The following MYO5B variants were observed in gnomAD, a reference collection of about 807,000 sequenced individuals.
MYO5B encodes the protein unconventional myosin-Vb.
Under a neutral mutation model 229.3 loss-of-function variants are expected in MYO5B, and 143 were observed. The ratio of observed to expected loss-of-function variants is 0.62; its 90% CI spans 0.54 to 0.72. MYO5B has a LOEUF of 0.72. Among genes scored for constraint, MYO5B ranks in the 30% least tolerant of loss-of-function variants. MYO5B has a pLI of 0.00. For synonymous variants in MYO5B, 918 were observed against 885.2 expected (o/e 1.04, Z -0.66); for missense variants, 2,321 against 2,331.0 (o/e 1.00, Z 0.09).
At chr18:49,849,111 T>C (rs574793870) in intron 32 of MYO5B, among the ~76,000 whole-genome samples, 7 of 152,196 alleles carry the variant, frequency 4.6e-5, no homozygotes, top group South Asian at 4.2e-4. Context: ...GAGAACATTC[T>C]AGGTCTTTCT....
intron 39 of MYO5B, among the ~76,000 whole-genome samples, chr18:49,829,663 C>T (rs189454391): frequency 2.6e-5 from 4 of 152,294 alleles, no homozygotes; most frequent in Admixed American, 2.6e-4. Context: ...AAACTATATT[C>T]ATCCCTTATA....
intron 10 of MYO5B, chr18:49,971,029 C>G (rs1051700411): frequency 1.4e-4 from 21 of 152,292 alleles, no homozygotes; most frequent in African/African-American, 5.1e-4. Context: ...TATGGGTACT[C>G]AGGCATCCCC....
intron 4 of MYO5B, among the ~76,000 whole-genome samples, chr18:50,024,128 A>G (rs188482414): frequency 2.6e-5 from 4 of 152,356 alleles, no homozygotes; most frequent in African/African-American, 9.6e-5. Flanking sequence ...AATATGTGCA[A>G]TGACAAATGG....
At chr18:49,877,643 G>T in intron 25 of MYO5B, 120 bp downstream of exon 25, 1 of 1,360,256 alleles carries the variant, frequency 7.4e-7, no homozygotes. Context: ...TTGAGAATTA[G>T]CCCCTGGGCA....
At chr18:49,904,319 C>T (rs908003547) in intron 20 of MYO5B, among the ~76,000 whole-genome samples, 1 of 152,224 alleles carries the variant, frequency 6.6e-6, no homozygotes, top group African/African-American at 2.4e-5. Flanking sequence ...GACCTCTGCA[C>T]ACACCGGCTT....
At chr18:49,890,626 T>C (rs1004823441) in intron 22 of MYO5B, among the ~76,000 whole-genome samples, 1 of 152,184 alleles carries the variant, frequency 6.6e-6, no homozygotes, top group African/African-American at 2.4e-5. Flanking sequence ...AGAGGGATAT[T>C]AGTACTATAA....
intron 1 of MYO5B, among the ~76,000 whole-genome samples, chr18:50,115,535 CACACACAGAGAG>C (rs1414093884): frequency 1.5e-5 from 1 of 66,964 alleles, no homozygotes; most frequent in South Asian, 4.2e-4. Flanking sequence ...CACACACACA[CACACACAGAGAG>C]ACACACACAC....
intron 11 of MYO5B, 133 bp downstream of exon 11, chr18:49,962,816 C>G: frequency 1.2e-6 from 1 of 816,986 alleles, no homozygotes; most frequent in Non-Finnish European, 2.2e-6. Context: ...GCTGGAGGTA[C>G]CACCAGGAAA....
intron 4 of MYO5B, among the ~76,000 whole-genome samples, chr18:50,034,589 C>G (rs2144379873): frequency 6.6e-6 from 1 of 152,176 alleles, no homozygotes; most frequent in African/African-American, 2.4e-5. Context: ...ACTAAAAATA[C>G]AAATATTAGC....
chr18:49,873,130 T>C (rs2024475454), intron 26 of MYO5B, among the ~76,000 whole-genome samples: 1 of 152,234 alleles, frequency 6.6e-6, no homozygotes, highest in Non-Finnish European at 1.5e-5. Context: ...CTAGTGCTTG[T>C]CTATGGCAAT....
chr18:49,921,392 C>G (rs1368083875), intron 17 of MYO5B, among the ~76,000 whole-genome samples: 3 of 151,500 alleles, frequency 2.0e-5, no homozygotes, highest in African/African-American at 7.3e-5. Context: ...GAGAGGGAGA[C>G]AGATGACTGC....
chr18:49,908,296 C>T (rs567662495), intron 18 of MYO5B, among the ~76,000 whole-genome samples: 1 of 152,324 alleles, frequency 6.6e-6, no homozygotes, highest in South Asian at 2.1e-4. Flanking sequence ...GAACATCTCC[C>T]ACCCAGATCT....
At chr18:49,836,640 G>A (rs571468539) in intron 38 of MYO5B, 71 bp downstream of exon 38, 10 of 1,569,028 alleles carry the variant, frequency 6.4e-6, no homozygotes, top group South Asian at 5.6e-5. Flanking sequence ...AACCACCAAC[G>A]AGAACAGACT....
chr18:50,043,493 A>ATATATAAATATAAATATATTTATAAG (rs1365461821), intron 2 of MYO5B, among the ~76,000 whole-genome samples: 5 of 89,660 alleles, frequency 5.6e-5, no homozygotes, highest in East Asian at 3.2e-4. Context: ...ATATATTTTT[A>ATATATAAATATAAATATATTTATAAG]TATATAAATA....
intron 1 of MYO5B, among the ~76,000 whole-genome samples, chr18:50,177,692 A>G (rs780563166): frequency 6.6e-6 from 1 of 152,224 alleles, no homozygotes; most frequent in Non-Finnish European, 1.5e-5. Context: ...AAAGCCCCCA[A>G]ATGATGTGGG....
chr18:49,847,997 A>C (rs1485648285), intron 32 of MYO5B, among the ~76,000 whole-genome samples: 5 of 152,158 alleles, frequency 3.3e-5, no homozygotes, highest in Non-Finnish European at 7.3e-5. Context: ...GGCCTGGTCA[A>C]CCCTCACTCA....
At chr18:50,187,368 T>A (rs1037282138) in intron 1 of MYO5B, among the ~76,000 whole-genome samples, 1 of 152,208 alleles carries the variant, frequency 6.6e-6, no homozygotes, top group African/African-American at 2.4e-5. Flanking sequence ...ACAGGACACA[T>A]TGATATCACT....
chr18:50,012,906 A>T (rs1482372931), intron 4 of MYO5B, among the ~76,000 whole-genome samples: 1 of 152,210 alleles, frequency 6.6e-6, no homozygotes, highest in Non-Finnish European at 1.5e-5. Context: ...CTTTGAAAAC[A>T]ATCTGCTTCA....
chr18:50,081,441 G>C (rs964576543), intron 1 of MYO5B, among the ~76,000 whole-genome samples: 3 of 152,198 alleles, frequency 2.0e-5, no homozygotes, highest in African/African-American at 4.8e-5. Context: ...CTACACACAG[G>C]TGATTCATCC....
Sources: gnomAD v4.1 joint callset for allele counts (sites outside exome capture counted in the v4.1 genomes callset) on GRCh38, gnomAD v4.1.1 for gene constraint, MANE v1.5 for transcripts, NCBI Gene and HGNC (gene_info 2026-07-23, HGNC 2026-07-21) for gene names.